Variants in HMGB1 observed in about 807,000 individuals in gnomAD.
HMGB1 encodes high mobility group protein B1.
For synonymous variants in HMGB1, 81 were observed against 84.0 expected (o/e 0.96, Z 0.19); for missense variants, 79 against 253.5 (o/e 0.31, Z 4.67).
At chr13:30,519,865 T>A (rs887814880) in intron 1 of HMGB1, among the ~76,000 whole-genome samples, 1 of 152,220 alleles carries the variant, frequency 6.6e-6, no homozygotes, top group Non-Finnish European at 1.5e-5. Flanking sequence ...GGAAAAATGT[T>A]CCTTTAATTA....
At chr13:30,471,972 A>G (rs559538499) in intron 1 of HMGB1, among the ~76,000 whole-genome samples, 41 of 147,866 alleles carry the variant, frequency 2.8e-4, no homozygotes, top group African/African-American at 1.0e-3. Context: ...CTGGCCACCA[A>G]TGGGCTTTTA....
At chr13:30,608,177 A>T (rs1950478809) in intron 1 of HMGB1, among the ~76,000 whole-genome samples, 1 of 152,130 alleles carries the variant, frequency 6.6e-6, no homozygotes, top group African/African-American at 2.4e-5. Context: ...ACCACATAAG[A>T]GGCTCCGAAC....
Position 30,483,453 on chromosome 13 carries a change from C to T in HMGB1, c.-14-19759G>A, listed in dbSNP as rs1016295286. ...GATCCCTGTCACTTCCCTTCATTTC[C>T]GAGGCCACCTTCTCCTGCTCACTCT... On this transcript the variant is annotated intron_variant, in intron 1 of 4. Transcript: ENST00000405805. Among the ~76,000 whole-genome samples the T allele has an allele frequency of 4.6e-5, 7 of 152,088 alleles. No homozygotes were observed. In the East Asian group the frequency reaches 5.8e-4, roughly 13 times the overall value.
intron 1 of HMGB1, among the ~76,000 whole-genome samples, chr13:30,537,633 C>T (rs1417382997): frequency 7.7e-6 from 1 of 129,292 alleles, no homozygotes; most frequent in East Asian, 2.3e-4. Context: ...CATGTGGTGG[C>T]AATTCATTCA....
chr13:30,524,197 G>A (rs897564778), intron 1 of HMGB1, among the ~76,000 whole-genome samples: 3 of 151,970 alleles, frequency 2.0e-5, no homozygotes, highest in Non-Finnish European at 4.4e-5. Context: ...AAGGGGTGGG[G>A]AGCAAGGGGA....
chr13:30,462,410 T>C, intron 4 of HMGB1, 128 bp downstream of exon 4: 2 of 814,922 alleles, frequency 2.5e-6, no homozygotes, highest in Non-Finnish European at 2.2e-6. Context: ...CTTTGAAGGA[T>C]GAGGACTTAT....
intron 1 of HMGB1, among the ~76,000 whole-genome samples, chr13:30,475,028 T>TCG (rs796319608): frequency 1.1e-4 from 9 of 83,076 alleles, no homozygotes; most frequent in African/African-American, 4.0e-4. Context: ...CGACCTCAGC[T>TCG]CTCTCTCTCT....
intron 1 of HMGB1, among the ~76,000 whole-genome samples, chr13:30,590,864 C>A (rs2137552577): frequency 6.6e-6 from 1 of 152,280 alleles, no homozygotes. Context: ...GACACTGAAT[C>A]TGCCACATCT....
chr13:30,485,470 C>G (rs146372563), intron 1 of HMGB1, among the ~76,000 whole-genome samples: 150 of 152,352 alleles, frequency 9.8e-4, no homozygotes, highest in African/African-American at 3.4e-3. Flanking sequence ...AGCCACCAAA[C>G]TGTGTGGTGT....
chr13:30,584,332 C>T (rs1871049370), intron 1 of HMGB1, among the ~76,000 whole-genome samples: 1 of 152,190 alleles, frequency 6.6e-6, no homozygotes, highest in African/African-American at 2.4e-5. Context: ...ATCTCCTCCA[C>T]CCATTATATA....
At chr13:30,528,653 A>G (rs749903699) in intron 1 of HMGB1, among the ~76,000 whole-genome samples, 3 of 152,212 alleles carry the variant, frequency 2.0e-5, no homozygotes, top group African/African-American at 7.2e-5. Context: ...AGAACAGCTG[A>G]TAAGTTAAAA....
rs1228323938 is a variant in HMGB1, at chr13:30,586,470, G to GTTTTTT, written c.-15+30195_-15+30200dup. ...ATCTGTTGAAACACTGAAATCACTG[G>GTTTTTT]TTTTTTTTGTTTTTTTTTTTTTTTT... On this transcript the variant is annotated intron_variant, in intron 1 of 4. Coordinates refer to the HMGB1 transcript ENST00000405805. Among the ~76,000 whole-genome samples the GTTTTTT allele has an allele frequency of 5.7e-5, 7 of 123,268 alleles. No individual in the cohort carries two copies. In the East Asian group the frequency reaches 7.5e-4, roughly 13 times the overall value. The allele number at this position is 123,268 out of a possible 152,430, so 80.9% of individuals were successfully genotyped here. A position where few individuals can be genotyped will look rare whatever the true frequency, so the allele number is the denominator to read the frequency against.
At chr13:30,530,948 G>A (rs1038749965) in intron 1 of HMGB1, among the ~76,000 whole-genome samples, 2 of 152,220 alleles carry the variant, frequency 1.3e-5, no homozygotes, top group Admixed American at 6.5e-5. Context: ...TCAGAAGGCT[G>A]AGGTGAGAAG....
At chr13:30,490,175 T>G (rs1275480689) in intron 1 of HMGB1, among the ~76,000 whole-genome samples, 1 of 152,118 alleles carries the variant, frequency 6.6e-6, no homozygotes, top group Non-Finnish European at 1.5e-5. Flanking sequence ...AATAAATATG[T>G]TTAGTGTTGT....
chr13:30,526,206 A>T (rs1888363060), intron 1 of HMGB1, among the ~76,000 whole-genome samples: 1 of 151,926 alleles, frequency 6.6e-6, no homozygotes, highest in Non-Finnish European at 1.5e-5. Flanking sequence ...ACAGGCATGC[A>T]CCACCATGTC....
chr13:30,538,652 TTTC>T (rs1163104652), intron 1 of HMGB1, among the ~76,000 whole-genome samples: 1 of 71,858 alleles, frequency 1.4e-5, no homozygotes, highest in Non-Finnish European at 2.5e-5. Flanking sequence ...CCTTTCTTTC[TTTC>T]TTTCTTTCCT....
At chr13:30,488,816 T>C (rs546303490) in intron 1 of HMGB1, among the ~76,000 whole-genome samples, 1 of 151,912 alleles carries the variant, frequency 6.6e-6, no homozygotes, top group South Asian at 2.1e-4. Flanking sequence ...ACTGTGCCCA[T>C]ACAACTTTTC....
intron 1 of HMGB1, among the ~76,000 whole-genome samples, chr13:30,515,995 G>C (rs1888093665): frequency 6.6e-6 from 1 of 152,100 alleles, no homozygotes; most frequent in South Asian, 2.1e-4. Context: ...AAAAAGTCTG[G>C]CAAATGCTAC....
At chr13:30,562,282 GCT>G (rs1869991612) in intron 1 of HMGB1, among the ~76,000 whole-genome samples, 1 of 134,168 alleles carries the variant, frequency 7.5e-6, no homozygotes, top group Admixed American at 8.2e-5. Flanking sequence ...GGGCAACAGA[GCT>G]AGACTCAGTC....
Sources: gnomAD v4.1 joint callset for allele counts (sites outside exome capture counted in the v4.1 genomes callset) on GRCh38, gnomAD v4.1.1 for gene constraint, MANE v1.5 for transcripts, NCBI Gene and HGNC (gene_info 2026-07-23, HGNC 2026-07-21) for gene names.